Variants in PREX1 observed in about 807,000 individuals in gnomAD.
The protein encoded by PREX1 is phosphatidylinositol 3,4,5-trisphosphate-dependent Rac exchanger 1 protein.
PREX1 carries 41 observed loss-of-function variants against 198.3 expected under a neutral mutation model. That is an observed-to-expected ratio of 0.21 (90% CI 0.16 to 0.27). The LOEUF (loss-of-function observed/expected upper bound fraction) is 0.27, where lower values mean the gene tolerates loss of function less well. PREX1 is among the 10% of genes least tolerant of loss of function. The pLI, the probability that PREX1 is intolerant of heterozygous loss-of-function variation, is 1.00. For missense variants in PREX1, 1,620 were observed against 2,200.7 expected, an observed-to-expected ratio of 0.74 and a Z score of 5.28; for synonymous variants, 843 against 887.2, an observed-to-expected ratio of 0.95 and a Z score of 0.89.
At chr20:48,657,318 G>A (rs1038656173) in intron 17 of PREX1, 130 bp from the exon 18 acceptor site, 38 of 1,128,976 alleles carry the variant, frequency 3.4e-5, no homozygotes, top group East Asian at 1.3e-4. Context: ...GGGTGACTGC[G>A]TGCTGTCTGT....
intron 1 of PREX1, among the ~76,000 whole-genome samples, chr20:48,809,402 G>A (rs1258578637): frequency 1.3e-5 from 2 of 152,168 alleles, no homozygotes; most frequent in Non-Finnish European, 2.9e-5. Flanking sequence ...CACCCTGGGG[G>A]CTTCCTTCTG....
At chr20:48,739,518 G>A (rs2090071682) in intron 3 of PREX1, among the ~76,000 whole-genome samples, 2 of 152,164 alleles carry the variant, frequency 1.3e-5, no homozygotes, top group Non-Finnish European at 2.9e-5. Context: ...AGCAACCTCA[G>A]GCAGAGTCAC....
chr20:48,645,525 T>TAA (rs2089444372), intron 26 of PREX1, among the ~76,000 whole-genome samples: 1 of 152,180 alleles, frequency 6.6e-6, no homozygotes, highest in African/African-American at 2.4e-5. Context: ...CCGTATGTCT[T>TAA]ACACTGAGTT....
At chr20:48,873,720 C>CA in the PREX1 span, among the ~76,000 whole-genome samples, 7 of 150,324 alleles carry the variant, frequency 4.7e-5, no homozygotes, top group East Asian at 7.8e-4. Context: ...GACTCTGTCT[C>CA]AAAAAAAATA....
chr20:48,626,744 G>A (rs1019040048), intron 39 of PREX1, among the ~76,000 whole-genome samples: 30 of 152,376 alleles, frequency 2.0e-4, no homozygotes, highest in African/African-American at 6.3e-4. Flanking sequence ...TACGTAAGAC[G>A]TTGCCGCTGG....
At chr20:48,874,409 G>A in the PREX1 span, among the ~76,000 whole-genome samples, 1 of 149,608 alleles carries the variant, frequency 6.7e-6, no homozygotes. Flanking sequence ...GTGTGTGTGT[G>A]TGTGTGTGTG....
chr20:48,638,153 GAC>G (rs1364463413), intron 30 of PREX1, among the ~76,000 whole-genome samples: 1 of 151,852 alleles, frequency 6.6e-6, no homozygotes, highest in South Asian at 2.1e-4. Context: ...CACACACAGA[GAC>G]ACACACATAT....
intron 10 of PREX1, among the ~76,000 whole-genome samples, chr20:48,683,834 T>C (rs1372816939): frequency 2.6e-5 from 4 of 152,106 alleles, no homozygotes; most frequent in African/African-American, 9.7e-5. Context: ...CTCTATCAGG[T>C]CAGTGGGGCA....
chr20:48,634,048 T>C (rs929793181), intron 33 of PREX1, among the ~76,000 whole-genome samples: 39 of 149,056 alleles, frequency 2.6e-4, no homozygotes, highest in Non-Finnish European at 4.3e-4. Flanking sequence ...AATGGATGCA[T>C]GGATGGATGG....
At chr20:48,638,605 A>G (rs1032773976) in intron 30 of PREX1, among the ~76,000 whole-genome samples, 3 of 152,206 alleles carry the variant, frequency 2.0e-5, no homozygotes, top group Non-Finnish European at 1.5e-5. Flanking sequence ...GAGCAGCTGC[A>G]GTGGTGCGCT....
At chr20:48,850,887 C>A in the PREX1 span, among the ~76,000 whole-genome samples, 1 of 152,196 alleles carries the variant, frequency 6.6e-6, no homozygotes. Flanking sequence ...CTCTGGCCAC[C>A]AGCCAAATCC....
chr20:48,663,339 C>T (rs777840467), intron 15 of PREX1, among the ~76,000 whole-genome samples: 16 of 152,348 alleles, frequency 1.1e-4, no homozygotes, highest in Middle Eastern at 3.4e-3. Flanking sequence ...AAGGGAACCG[C>T]AAATCCAGCA....
At chr20:48,652,463 C>G in intron 21 of PREX1, 123 bp downstream of exon 21, 3 of 1,346,958 alleles carry the variant, frequency 2.2e-6, no homozygotes, top group Non-Finnish European at 3.0e-6. Flanking sequence ...AAAAACAAAC[C>G]TGCTGGCATG....
At chr20:48,843,982 TA>T in the PREX1 span, among the ~76,000 whole-genome samples, 2 of 151,670 alleles carry the variant, frequency 1.3e-5, no homozygotes, top group Non-Finnish European at 2.9e-5. Context: ...AAAATTAATT[TA>T]AAAAAAGTTA....
chr20:48,884,640 T>C, the PREX1 span, among the ~76,000 whole-genome samples: 2 of 152,138 alleles, frequency 1.3e-5, no homozygotes, highest in Non-Finnish European at 2.9e-5. Flanking sequence ...AAAATATAAA[T>C]GACTAAAGAA....
At chr20:48,663,979 C>T (rs1353415972) in intron 15 of PREX1, among the ~76,000 whole-genome samples, 1 of 152,208 alleles carries the variant, frequency 6.6e-6, no homozygotes, top group Non-Finnish European at 1.5e-5. Flanking sequence ...GAACCTGGCA[C>T]GGTGCCTGGA....
At chr20:48,660,289 A>T (rs1338537326) in intron 15 of PREX1, among the ~76,000 whole-genome samples, 3 of 152,282 alleles carry the variant, frequency 2.0e-5, no homozygotes, top group Non-Finnish European at 2.9e-5. Context: ...CTCACCTGCT[A>T]TAAAAAGACA....
intron 5 of PREX1, among the ~76,000 whole-genome samples, chr20:48,724,371 T>C (rs2090000688): frequency 6.6e-6 from 1 of 152,146 alleles, no homozygotes; most frequent in East Asian, 1.9e-4. Context: ...GTAAGTACCA[T>C]TAACATGAAC....
At chr20:48,802,930 C>A (rs1254790782) in intron 1 of PREX1, among the ~76,000 whole-genome samples, 1 of 152,214 alleles carries the variant, frequency 6.6e-6, no homozygotes. Flanking sequence ...CCAAGGGGGG[C>A]TTTCCTGAGA....
Sources: gnomAD v4.1 joint callset for allele counts (sites outside exome capture counted in the v4.1 genomes callset) on GRCh38, gnomAD v4.1.1 for gene constraint, MANE v1.5 for transcripts, NCBI Gene and HGNC (gene_info 2026-07-23, HGNC 2026-07-21) for gene names.